ANKRD6: variants seen among roughly 807,000 people sequenced by gnomAD.
ANKRD6 encodes the protein ankyrin repeat domain-containing protein 6.
Under a neutral mutation model 82.3 loss-of-function variants are expected in ANKRD6, and 56 were observed. The ratio of observed to expected loss-of-function variants is 0.68; its 90% CI spans 0.55 to 0.85. The LOEUF is 0.85. ANKRD6 is among the 40% of genes least tolerant of loss of function. ANKRD6 has a pLI of 0.00. For missense variants in ANKRD6, 852 were observed against 907.6 expected (o/e 0.94, Z 0.79); for synonymous variants, 347 against 352.1 (o/e 0.99, Z 0.16).
intron 1 of ANKRD6, among the ~76,000 whole-genome samples, chr6:89,439,734 T>C (rs776726303): frequency 2.0e-5 from 3 of 152,212 alleles, no homozygotes; most frequent in Non-Finnish European, 4.4e-5. Context: ...GGTCTCATTC[T>C]GTCACCCAGG....
chr6:89,552,235 CT>C (rs1413548986), intron 1 of ANKRD6, among the ~76,000 whole-genome samples: 1 of 152,216 alleles, frequency 6.6e-6, no homozygotes, highest in Admixed American at 6.5e-5. Flanking sequence ...TGTCCTCCAC[CT>C]AACTGGAGCA....
intron 4 of ANKRD6, among the ~76,000 whole-genome samples, chr6:89,605,368 C>T (rs1353643581): frequency 6.6e-6 from 1 of 152,204 alleles, no homozygotes; most frequent in African/African-American, 2.4e-5. Flanking sequence ...GGTGACAGAA[C>T]AAGACTGTCT....
chr6:89,625,536 G>A (rs934070184), intron 13 of ANKRD6, among the ~76,000 whole-genome samples: 1 of 152,034 alleles, frequency 6.6e-6, no homozygotes, highest in Admixed American at 6.5e-5. Flanking sequence ...TTGTCTCTCT[G>A]ACACACATGT....
chr6:89,527,621 A>G (rs868449395), intron 1 of ANKRD6, among the ~76,000 whole-genome samples: 103 of 148,744 alleles, frequency 6.9e-4, no homozygotes, highest in African/African-American at 1.9e-3. Context: ...AAAAAAAAAA[A>G]AAAAAGAAAA....
chr6:89,629,460 G>T, intron 15 of ANKRD6: 1 of 606,104 alleles, frequency 1.6e-6, no homozygotes, highest in Non-Finnish European at 2.9e-6. Flanking sequence ...TTTGAATAAA[G>T]GAATTAAAGA....
At chr6:89,556,411 T>A (rs966898174) in intron 1 of ANKRD6, among the ~76,000 whole-genome samples, 1 of 152,238 alleles carries the variant, frequency 6.6e-6, no homozygotes, top group Non-Finnish European at 1.5e-5. Flanking sequence ...TATAAAGTTA[T>A]CTTTTATTGA....
chr6:89,595,933 G>T lies in ANKRD6; in HGVS notation c.138G>T (p.Leu46=). 2 of 1,609,308 alleles carry T rather than the reference G, an allele frequency of 1.2e-6. No individual in the cohort carries two copies. Among genetic ancestry groups the T allele is most frequent in the Non-Finnish European group, 1.7e-6 (2 of 1,177,914 alleles). Residue 46 remains leucine, a synonymous_variant, in exon 3 of 16, where the codon CTG becomes CTT. Transcript: ENST00000339746. ...ATTCACAGCATGGCCGGACTCCCCTGCATCTTGCTGCCAATAAGGGCCATC... is the reference window on the plus strand; with the variant it reads ...ATTCACAGCATGGCCGGACTCCCCTTCATCTTGCTGCCAATAAGGGCCATC... ...VAVTKHGRTP[L]HLAANKGHLP...
chr6:89,535,954 G>T lies in ANKRD6; in HGVS notation c.-143-30880G>T, dbSNP rs111816860. On this transcript the variant is annotated intron_variant, in intron 1 of 15. Coordinates refer to ENST00000339746, the MANE Select transcript of ANKRD6 (RefSeq NM_001242809.2). Reference sequence around the variant, plus strand: ...AAATGAAGAGAGTATCACAGGCCAGGTGTGGTGGCTCATGTCTGTAATCAC... The same window carrying T: ...AAATGAAGAGAGTATCACAGGCCAGTTGTGGTGGCTCATGTCTGTAATCAC... 3.9e-3 allele frequency among the ~76,000 whole-genome samples: 592 copies of T among 152,340 alleles called. 3 individuals are homozygous for T. Among genetic ancestry groups the T allele is most frequent in the Admixed American group, 6.7e-3 (103 of 15,306 alleles).
At chr6:89,510,705 C>T (rs550724954) in intron 1 of ANKRD6, among the ~76,000 whole-genome samples, 80 of 152,252 alleles carry the variant, frequency 5.3e-4, no homozygotes, top group Middle Eastern at 3.4e-3. Flanking sequence ...CCAATCTCCC[C>T]GGCCCTAGTC....
chr6:89,492,432 G>T (rs1778123188), intron 1 of ANKRD6, among the ~76,000 whole-genome samples: 1 of 152,156 alleles, frequency 6.6e-6, no homozygotes, highest in Admixed American at 6.5e-5. Context: ...GGTGAGGTTT[G>T]TTTGTTACCC....
chr6:89,616,948 T>C, intron 8 of ANKRD6: 1 of 560,182 alleles, frequency 1.8e-6, no homozygotes, highest in Admixed American at 2.2e-5. Flanking sequence ...CGAGTGGATG[T>C]TACCCAAAGT....
intron 1 of ANKRD6, among the ~76,000 whole-genome samples, chr6:89,539,248 T>C (rs1784195804): frequency 6.6e-6 from 1 of 152,024 alleles, no homozygotes; most frequent in Non-Finnish European, 1.5e-5. Flanking sequence ...TATCTTGGAG[T>C]TAATTATGGA....
chr6:89,551,762 G>A (rs968826778), intron 1 of ANKRD6, among the ~76,000 whole-genome samples: 8 of 152,210 alleles, frequency 5.3e-5, no homozygotes, highest in Middle Eastern at 3.2e-3. Flanking sequence ...CCTGAAGACT[G>A]CTGAATCTCA....
chr6:89,537,429 T>G (rs1160455219), intron 1 of ANKRD6, among the ~76,000 whole-genome samples: 3 of 152,238 alleles, frequency 2.0e-5, no homozygotes, highest in South Asian at 2.1e-4. Flanking sequence ...CCAGTGATTC[T>G]TCTTCAACCC....
At position 89,497,536 on chromosome 6, in the gene ANKRD6, G is replaced by A. The variant is rs892794762; in HGVS notation, c.-144+64161G>A. Among the ~76,000 whole-genome samples the A allele has an allele frequency of 2.0e-5, 3 of 151,992 alleles. No individual in the cohort carries two copies. The East Asian group carries it at 5.8e-4, about 29-fold the overall frequency. The stretch of plus-strand genomic sequence containing the variant: ...AGATGCTGCTTTTCCACAATAATAG[G>A]GGATCTTTGAAATCCTAGGAAACTG... On this transcript the variant is annotated intron_variant, in intron 1 of 15. Transcript: ENST00000339746.
rs543621593 is a variant in ANKRD6, at chr6:89,574,975, C to T, written c.120+7879C>T. On this transcript the variant is annotated intron_variant, in intron 2 of 15. Coordinates refer to ENST00000339746, the MANE Select transcript of ANKRD6 (RefSeq NM_001242809.2). ...GCAGGGGAAATTGTCCATTTTTATG[C>T]TTAGGTTCAAAAGAGTGTGGATAGC... 5.9e-5 allele frequency among the ~76,000 whole-genome samples: 9 copies of T among 152,270 alleles called. No individual in the cohort carries two copies. In the South Asian group the frequency reaches 1.9e-3, roughly 32 times the overall value.
At chr6:89,446,900 C>A (rs1366285208) in intron 1 of ANKRD6, among the ~76,000 whole-genome samples, 1 of 152,126 alleles carries the variant, frequency 6.6e-6, no homozygotes, top group African/African-American at 2.4e-5. Flanking sequence ...GCACTTCTTG[C>A]TGCTGCCATG....
intron 1 of ANKRD6, among the ~76,000 whole-genome samples, chr6:89,471,696 T>C (rs1775494938): frequency 6.6e-6 from 1 of 152,050 alleles, no homozygotes; most frequent in Admixed American, 6.6e-5. Flanking sequence ...TTTCAAATCC[T>C]GGATCAAGTT....
At chr6:89,549,375 C>T (rs914929751) in intron 1 of ANKRD6, among the ~76,000 whole-genome samples, 11 of 150,984 alleles carry the variant, frequency 7.3e-5, no homozygotes, top group South Asian at 2.1e-4. Context: ...GTTTGCCTCC[C>T]CACCCCCAAT....
Sources: gnomAD v4.1 joint callset for allele counts (sites outside exome capture counted in the v4.1 genomes callset) on GRCh38, gnomAD v4.1.1 for gene constraint, MANE v1.5 for transcripts, NCBI Gene and HGNC (gene_info 2026-07-23, HGNC 2026-07-21) for gene names.